Variants in MARCHF5 observed in about 807,000 individuals in gnomAD.
The protein encoded by MARCHF5 is E3 ubiquitin-protein ligase MARCHF5.
Under a neutral mutation model 36.5 loss-of-function variants are expected in MARCHF5, and 5 were observed. The observed-to-expected ratio is 0.14, with a 90% CI of 0.07 to 0.29. The LOEUF (loss-of-function observed/expected upper bound fraction) is 0.29, where lower values mean the gene tolerates loss of function less well. Among genes scored for constraint, MARCHF5 ranks in the 10% least tolerant of loss-of-function variants. The probability of loss-of-function intolerance (pLI) is 1.00; values close to 1 mark genes in which losing one functional copy is unlikely to be tolerated. For missense variants in MARCHF5, 179 were observed against 336.3 expected, an observed-to-expected ratio of 0.53 and a Z score of 3.66; for synonymous variants, 103 against 109.9, an observed-to-expected ratio of 0.94 and a Z score of 0.39.
chr10:92,303,919 A>G (rs539654758), intron 1 of MARCHF5, among the ~76,000 whole-genome samples: 8 of 152,322 alleles, frequency 5.3e-5, no homozygotes, highest in Admixed American at 2.6e-4. Context: ...TGAACCAATC[A>G]TGATACTTCC....
At chr10:92,311,054 C>G (rs1843139347) in intron 1 of MARCHF5, 81 bp from the exon 2 acceptor site, 18 of 971,984 alleles carry the variant, frequency 1.9e-5, no homozygotes, top group Non-Finnish European at 3.1e-6. Flanking sequence ...GCAGGCTCAT[C>G]CCATTAAGTA....
rs150696203 is a variant in MARCHF5 at position 92,336,057 on chromosome 10, C to T, written c.239-4616C>T. On this transcript the variant is annotated intron_variant, in intron 2 of 5. Transcript: ENST00000358935. The stretch of plus-strand genomic sequence containing the variant: ...TTTGTTTTTTTGGTTTTTTCTGAGA[C>T]GGAGTTTCGCTCTTGTTGCCCAGGC... 5.0e-3 allele frequency among the ~76,000 whole-genome samples: 765 copies of T among 152,188 alleles called. 3 individuals carry two copies. The highest frequency in any genetic ancestry group is 0.01 in the Middle Eastern group (3 of 294).
chr10:92,311,430 A>G (rs943580248), intron 2 of MARCHF5, 93 bp downstream of exon 2: 1 of 823,542 alleles, frequency 1.2e-6, no homozygotes. Flanking sequence ...TCTTTTTTTT[A>G]GGGTGTGAAT....
chr10:92,316,133 G>C (rs1179998519), intron 2 of MARCHF5, among the ~76,000 whole-genome samples: 1 of 152,112 alleles, frequency 6.6e-6, no homozygotes, highest in Non-Finnish European at 1.5e-5. Flanking sequence ...ATATTCTATG[G>C]GATGATCTCT....
chr10:92,300,489 C>A (rs1365113757), intron 1 of MARCHF5, among the ~76,000 whole-genome samples: 3 of 151,860 alleles, frequency 2.0e-5, no homozygotes, highest in Non-Finnish European at 4.4e-5. Flanking sequence ...CAGAGCAAGA[C>A]CCTGTCTCAA....
intron 3 of MARCHF5, among the ~76,000 whole-genome samples, chr10:92,347,300 G>T (rs560257824): frequency 1.3e-5 from 2 of 151,964 alleles, no homozygotes; most frequent in African/African-American, 4.8e-5. Flanking sequence ...CCTGGCTAAC[G>T]TGGTGAAACC....
chr10:92,344,325 A>T (rs1201610435), intron 3 of MARCHF5, among the ~76,000 whole-genome samples: 1 of 152,236 alleles, frequency 6.6e-6, no homozygotes, highest in South Asian at 2.1e-4. Context: ...AAAGTGAAAG[A>T]TAATTTGATT....
chr10:92,291,761 C>CT (rs1034790576), intron 1 of MARCHF5, among the ~76,000 whole-genome samples: 1 of 152,158 alleles, frequency 6.6e-6, no homozygotes, highest in African/African-American at 2.4e-5. Context: ...GTCTGGTTTC[C>CT]TTGGAACCCC....
chr10:92,318,127 A>G lies in MARCHF5; in HGVS notation c.238+6790A>G, dbSNP rs189280673. Among the ~76,000 whole-genome samples the G allele has an allele frequency of 1.1e-3, 170 of 152,150 alleles. 1 individual carries two copies. Among genetic ancestry groups the G allele is most frequent in the African/African-American group, 3.9e-3 (160 of 41,528 alleles). On this transcript the variant is annotated intron_variant, in intron 2 of 5. Transcript: ENST00000358935. ...TTTAGTGCAGTATTAAATAGAAGTG[A>G]TGAAAGCAGATATCCTTGGCTGGGA...
At chr10:92,324,273 T>A (rs1234588656) in intron 2 of MARCHF5, among the ~76,000 whole-genome samples, 1 of 152,252 alleles carries the variant, frequency 6.6e-6, no homozygotes, top group Admixed American at 6.5e-5. Context: ...GGATAAAAGT[T>A]CTTTGTCAGA....
At chr10:92,334,461 T>C (rs1396355129) in intron 2 of MARCHF5, 1 of 152,488 alleles carries the variant, frequency 6.6e-6, no homozygotes, top group African/African-American at 2.4e-5. Context: ...ATTATGTTTC[T>C]CTGCCAGTCC....
intron 3 of MARCHF5, among the ~76,000 whole-genome samples, chr10:92,345,197 T>C (rs1843627212): frequency 6.6e-6 from 1 of 152,056 alleles, no homozygotes; most frequent in Non-Finnish European, 1.5e-5. Context: ...CCCTGTTATT[T>C]CATCACTGTT....
intron 1 of MARCHF5, among the ~76,000 whole-genome samples, chr10:92,305,407 C>T (rs1343953912): frequency 7.4e-6 from 1 of 135,956 alleles, no homozygotes; most frequent in Non-Finnish European, 1.6e-5. Context: ...ACTCCGTCTC[C>T]AAAAAAAAAA....
At chr10:92,333,035 CTG>C (rs1843457005) in intron 2 of MARCHF5, among the ~76,000 whole-genome samples, 2 of 151,840 alleles carry the variant, frequency 1.3e-5, no homozygotes, top group Non-Finnish European at 2.9e-5. Flanking sequence ...TGACACATGA[CTG>C]TAATCCCAGC....
intron 2 of MARCHF5, among the ~76,000 whole-genome samples, chr10:92,325,540 T>C (rs554817173): frequency 6.6e-6 from 1 of 152,294 alleles, no homozygotes; most frequent in Non-Finnish European, 1.5e-5. Context: ...TTATAAAATA[T>C]CCTTTTTTGT....
chr10:92,298,848 G>A (rs373350794), intron 1 of MARCHF5, among the ~76,000 whole-genome samples: 1 of 152,102 alleles, frequency 6.6e-6, no homozygotes, highest in East Asian at 1.9e-4. Context: ...CAGGCATGAA[G>A]CTAGCCAAAA....
At chr10:92,301,022 A>G (rs1843005602) in intron 1 of MARCHF5, among the ~76,000 whole-genome samples, 1 of 151,096 alleles carries the variant, frequency 6.6e-6, no homozygotes, top group African/African-American at 2.4e-5. Flanking sequence ...AGTAGCTGGG[A>G]TTACAGGTGT....
At chr10:92,307,520 G>GT (rs986796407) in intron 1 of MARCHF5, among the ~76,000 whole-genome samples, 1 of 152,072 alleles carries the variant, frequency 6.6e-6, no homozygotes, top group African/African-American at 2.4e-5. Flanking sequence ...GAGCCCAGGA[G>GT]TTTGAGACTG....
intron 1 of MARCHF5, among the ~76,000 whole-genome samples, chr10:92,294,243 A>T (rs748450556): frequency 4.6e-5 from 7 of 152,210 alleles, no homozygotes; most frequent in Non-Finnish European, 1.0e-4. Flanking sequence ...GAATTTTGCC[A>T]CTTACTAGCT....
Sources: allele counts gnomAD v4.1 joint callset (sites outside exome capture counted in the v4.1 genomes callset), GRCh38; gene constraint gnomAD v4.1.1; transcripts MANE v1.5; gene names NCBI Gene and HGNC (gene_info 2026-07-23, HGNC 2026-07-21).